The following GRM5 variants were observed in gnomAD, a reference collection of about 807,000 sequenced individuals.
The protein encoded by GRM5 is metabotropic glutamate receptor 5.
In GRM5, 19 loss-of-function variants were observed where a neutral mutation model predicts 83.1. That is an observed-to-expected ratio of 0.23 (90% CI 0.16 to 0.34). The LOEUF (loss-of-function observed/expected upper bound fraction) is 0.34, where lower values mean the gene tolerates loss of function less well. Among genes scored for constraint, GRM5 ranks in the 10% least tolerant of loss-of-function variants. The pLI, the probability that GRM5 is intolerant of heterozygous loss-of-function variation, is 1.00. For synonymous variants in GRM5, 675 were observed against 633.6 expected, an observed-to-expected ratio of 1.07 and a Z score of -0.98; for missense variants, 1,160 against 1,588.3, an observed-to-expected ratio of 0.73 and a Z score of 4.58.
chr11:88,801,758 T>G (rs779616699), intron 3 of GRM5, among the ~76,000 whole-genome samples: 10 of 152,082 alleles, frequency 6.6e-5, no homozygotes, highest in Non-Finnish European at 1.0e-4. Flanking sequence ...GAAAGGCACA[T>G]TTGCTTCAAA....
intron 3 of GRM5, among the ~76,000 whole-genome samples, chr11:88,738,142 GTTA>G (rs1403337000): frequency 1.3e-5 from 2 of 151,786 alleles, no homozygotes; most frequent in African/African-American, 4.8e-5. Flanking sequence ...TGTATTTTAT[GTTA>G]TTTTATTATT....
chr11:88,603,636 A>G (rs1034710567), intron 5 of GRM5, among the ~76,000 whole-genome samples: 13 of 150,932 alleles, frequency 8.6e-5, no homozygotes, highest in Non-Finnish European at 1.8e-4. Context: ...TCTGGAATAG[A>G]AGAAAAAAAA....
At chr11:88,760,532 A>T (rs1169977094) in intron 3 of GRM5, among the ~76,000 whole-genome samples, 4 of 152,114 alleles carry the variant, frequency 2.6e-5, no homozygotes, top group Non-Finnish European at 4.4e-5. Context: ...CCCTGAACAG[A>T]CCAATAACAA....
chr11:88,678,598 T>C (rs887890157), intron 3 of GRM5, among the ~76,000 whole-genome samples: 17 of 152,138 alleles, frequency 1.1e-4, no homozygotes, highest in African/African-American at 4.1e-4. Flanking sequence ...TGAACTCAGG[T>C]ACAAAATACC....
At chr11:88,915,991 G>A (rs1170152617) in intron 2 of GRM5, among the ~76,000 whole-genome samples, 3 of 152,066 alleles carry the variant, frequency 2.0e-5, no homozygotes, top group Admixed American at 1.3e-4. Flanking sequence ...GAAAGGCTAT[G>A]GTCACAATAA....
intron 4 of GRM5, among the ~76,000 whole-genome samples, chr11:88,636,727 T>C (rs1037746620): frequency 1.3e-5 from 2 of 152,202 alleles, no homozygotes; most frequent in Non-Finnish European, 2.9e-5. Flanking sequence ...TTAGTTTTTG[T>C]ATAAGGTGTA....
intron 4 of GRM5, among the ~76,000 whole-genome samples, chr11:88,621,108 A>G (rs553347461): frequency 6.6e-6 from 1 of 152,340 alleles, no homozygotes; most frequent in African/African-American, 2.4e-5. Flanking sequence ...GTGTAAATGA[A>G]AGAATTCCAC....
At chr11:88,976,641 CTG>C (rs1246761013) in intron 2 of GRM5, among the ~76,000 whole-genome samples, 2 of 152,000 alleles carry the variant, frequency 1.3e-5, no homozygotes, top group Admixed American at 1.3e-4. Flanking sequence ...TTTTTCAACA[CTG>C]TATTCTTTAG....
rs1565319531 is a variant in GRM5, at chr11:88,982,121, AT to A, written c.661+65090del. On this transcript the variant is annotated intron_variant, in intron 2 of 9. Transcript: ENST00000305447. Reference sequence around the variant, plus strand: ...ATTTTTGCAAGTCAAATAGATTCCAATTTTTTGTTTCTATCAAAATTGAAGG... The same window carrying A: ...ATTTTTGCAAGTCAAATAGATTCCAATTTTTGTTTCTATCAAAATTGAAGG... Among the ~76,000 whole-genome samples the A allele has an allele frequency of 2.0e-5, 3 of 152,172 alleles. No homozygotes were observed. In the South Asian group the frequency reaches 6.2e-4, roughly 31 times the overall value.
intron 3 of GRM5, among the ~76,000 whole-genome samples, chr11:88,826,913 G>T (rs1483889907): frequency 6.6e-6 from 1 of 152,138 alleles, no homozygotes; most frequent in African/African-American, 2.4e-5. Flanking sequence ...TGGAAAAGTG[G>T]AAGTGTCAGG....
rs561011385 is a variant in GRM5 at position 88,514,050 on chromosome 11, G to A, written c.2727-4546C>T. On this transcript the variant is annotated intron_variant, in intron 9 of 9. Transcript: ENST00000305447. ...TCACCTTCCCTCACTGAATATTTTGGACATTAGAAAAGGAGAGGGAAAGAA... is the reference window on the plus strand; with the variant it reads ...TCACCTTCCCTCACTGAATATTTTGAACATTAGAAAAGGAGAGGGAAAGAA... 4.6e-5 allele frequency among the ~76,000 whole-genome samples: 7 copies of A among 152,086 alleles called. No individual in the cohort carries two copies. The East Asian group carries it at 7.8e-4, about 17-fold the overall frequency.
At chr11:88,616,833 C>G (rs2135250205) in intron 4 of GRM5, among the ~76,000 whole-genome samples, 1 of 152,238 alleles carries the variant, frequency 6.6e-6, no homozygotes, top group African/African-American at 2.4e-5. Context: ...GGATCTAAGG[C>G]TCAGTTTTGC....
chr11:88,822,676 G>C (rs911291687), intron 3 of GRM5, among the ~76,000 whole-genome samples: 1 of 151,788 alleles, frequency 6.6e-6, no homozygotes, highest in Middle Eastern at 3.2e-3. Context: ...TGACTCTTCC[G>C]GTTCCTGAAT....
intron 2 of GRM5, among the ~76,000 whole-genome samples, chr11:88,987,784 C>T (rs992749294): frequency 0.014 from 2,096 of 151,760 alleles, 71 homozygotes; most frequent in African/African-American, 0.048. Flanking sequence ...CTCCAACAGA[C>T]CTGCAGCTGA....
chr11:88,881,928 T>C (rs1243053687), intron 2 of GRM5, among the ~76,000 whole-genome samples: 4 of 152,294 alleles, frequency 2.6e-5, no homozygotes, highest in African/African-American at 4.8e-5. Context: ...TTTTTCATTT[T>C]CTATACAAAA....
At chr11:88,611,955 A>C (rs182323993) in intron 4 of GRM5, among the ~76,000 whole-genome samples, 203 of 151,392 alleles carry the variant, frequency 1.3e-3, no homozygotes, top group African/African-American at 4.3e-3. Flanking sequence ...GAATTTATTT[A>C]TTTATTTATT....
rs566282518 is a variant in GRM5 at position 88,989,848 on chromosome 11, A to G, written c.661+57364T>C. Among the ~76,000 whole-genome samples, 79 of 152,032 alleles carry G rather than the reference A, an allele frequency of 5.2e-4. 2 individuals carry two copies. Among genetic ancestry groups the G allele is most frequent in the African/African-American group, 1.8e-3 (75 of 41,388 alleles). ...GACACAACATACCAGAATCTCTGGG[A>G]CGCATTCAAAGCAGTGCTTTGAGGG... On this transcript the variant is annotated intron_variant, in intron 2 of 9. Transcript: ENST00000305447.
Position 88,651,876 on chromosome 11 carries a change from T to C in GRM5, c.1147+1292A>G, listed in dbSNP as rs114290035. Among the ~76,000 whole-genome samples, 532 of 152,202 alleles carry C rather than the reference T, an allele frequency of 3.5e-3. 2 individuals are homozygous for C. Among genetic ancestry groups the C allele is most frequent in the African/African-American group, 0.012 (490 of 41,550 alleles). ...ATTTAAAAACAATCACAAACCACCA[T>C]TGACTATCTCCATCATTTCCCAAAA... On this transcript the variant is annotated intron_variant, in intron 4 of 9. Coordinates refer to ENST00000305447, the MANE Select transcript of GRM5 (RefSeq NM_001143831.3).
At chr11:88,572,552 A>T (rs951912683) in intron 7 of GRM5, among the ~76,000 whole-genome samples, 1 of 152,118 alleles carries the variant, frequency 6.6e-6, no homozygotes, top group Non-Finnish European at 1.5e-5. Flanking sequence ...TATTAGATTT[A>T]TTTCTTTTGA....
Sources: gnomAD v4.1 joint callset for allele counts (sites outside exome capture counted in the v4.1 genomes callset) on GRCh38, gnomAD v4.1.1 for gene constraint, MANE v1.5 for transcripts, NCBI Gene and HGNC (gene_info 2026-07-23, HGNC 2026-07-21) for gene names.